The following PCDH15 variants were observed in gnomAD, a reference collection of about 807,000 sequenced individuals.
PCDH15 encodes protocadherin-15.
In PCDH15, 129 loss-of-function variants were observed where a neutral mutation model predicts 178.5. That is an observed-to-expected ratio of 0.72 (90% confidence interval 0.63 to 0.84). PCDH15 has a LOEUF of 0.84. PCDH15 is among the 40% of genes least tolerant of loss of function. The pLI, the probability that PCDH15 is intolerant of heterozygous loss-of-function variation, is 0.00. For missense variants in PCDH15, 2,230 were observed against 2,099.9 expected (o/e 1.06, Z -1.21); for synonymous variants, 800 against 732.0 (o/e 1.09, Z -1.50).
At chr10:54,230,451 G>T (rs1387345565) in intron 9 of PCDH15, among the ~76,000 whole-genome samples, 4 of 152,126 alleles carry the variant, frequency 2.6e-5, no homozygotes, top group Non-Finnish European at 2.9e-5. Flanking sequence ...AATGAAATAT[G>T]GTAACTGTGA....
At chr10:54,619,765 A>T (rs1319985830) in intron 2 of PCDH15, among the ~76,000 whole-genome samples, 1 of 152,038 alleles carries the variant, frequency 6.6e-6, no homozygotes, top group Non-Finnish European at 1.5e-5. Context: ...CATAGTGTGG[A>T]CCAAATTTAC....
chr10:55,304,464 G>A (rs538474809), intron 1 of PCDH15, among the ~76,000 whole-genome samples: 28 of 152,048 alleles, frequency 1.8e-4, no homozygotes, highest in African/African-American at 5.8e-4. Flanking sequence ...TATGTTTTAC[G>A]TATATAAATG....
intron 18 of PCDH15, among the ~76,000 whole-genome samples, chr10:54,064,614 T>C (rs1169308414): frequency 6.6e-6 from 1 of 152,138 alleles, no homozygotes; most frequent in African/African-American, 2.4e-5. Flanking sequence ...TTGGCCTCCC[T>C]CCTATGTTCA....
At chr10:55,368,218 G>A (rs553596026) in intron 2 of PCDH15, among the ~76,000 whole-genome samples, 130 of 152,030 alleles carry the variant, frequency 8.6e-4, no homozygotes, top group African/African-American at 3.0e-3. Flanking sequence ...ATGATTTCAT[G>A]TAATCAACAA....
intron 11 of PCDH15, among the ~76,000 whole-genome samples, chr10:54,186,000 C>A (rs981808002): frequency 6.6e-6 from 1 of 152,006 alleles, no homozygotes; most frequent in Non-Finnish European, 1.5e-5. Context: ...GCATTGAAGA[C>A]CCTTTGCAAT....
At chr10:54,310,832 T>A (rs1473361299) in intron 8 of PCDH15, among the ~76,000 whole-genome samples, 1 of 151,784 alleles carries the variant, frequency 6.6e-6, no homozygotes, top group Non-Finnish European at 1.5e-5. Flanking sequence ...TCAAAATAAA[T>A]AAAAGTGATC....
intron 16 of PCDH15, 56 bp downstream of exon 16, chr10:54,089,928 T>C: frequency 7.4e-7 from 1 of 1,346,824 alleles, no homozygotes; most frequent in Non-Finnish European, 1.1e-6. Flanking sequence ...TCTGCTTTCT[T>C]ACTAACAGTA....
chr10:55,590,146 A>C (rs187636276), intron 2 of PCDH15, among the ~76,000 whole-genome samples: 4,325 of 151,848 alleles, frequency 0.028, 215 homozygotes, highest in African/African-American at 0.099. Context: ...AAAAAGGATG[A>C]GTTCATGTCC....
chr10:55,413,552 G>T (rs1469461677), intron 2 of PCDH15, among the ~76,000 whole-genome samples: 1 of 150,932 alleles, frequency 6.6e-6, no homozygotes, highest in Non-Finnish European at 1.5e-5. Flanking sequence ...TATATATTTG[G>T]ATTTATATAT....
intron 2 of PCDH15, among the ~76,000 whole-genome samples, chr10:55,592,864 G>T (rs1288032343): frequency 1.3e-5 from 2 of 151,812 alleles, no homozygotes; most frequent in African/African-American, 4.8e-5. Context: ...AAATATATTT[G>T]ATACAAATTA....
At chr10:54,940,361 G>A (rs564645294) in intron 2 of PCDH15, among the ~76,000 whole-genome samples, 22 of 151,970 alleles carry the variant, frequency 1.4e-4, no homozygotes, top group East Asian at 5.8e-4. Context: ...TCTGTTGTTC[G>A]TTTTTTATTT....
intron 1 of PCDH15, among the ~76,000 whole-genome samples, chr10:54,714,124 T>C (rs2095453058): frequency 1.3e-5 from 2 of 152,160 alleles, no homozygotes; most frequent in Non-Finnish European, 2.9e-5. Context: ...ACTTCACAGT[T>C]ATACAGGACT....
At chr10:54,972,961 G>A (rs1003828751) in intron 2 of PCDH15, among the ~76,000 whole-genome samples, 6 of 150,262 alleles carry the variant, frequency 4.0e-5, no homozygotes, top group African/African-American at 1.5e-4. Context: ...TTTAATAACA[G>A]TGATAAGTTA....
chr10:54,579,018 G>C (rs1301761639), intron 2 of PCDH15, among the ~76,000 whole-genome samples: 3 of 151,980 alleles, frequency 2.0e-5, no homozygotes, highest in Admixed American at 2.0e-4. Flanking sequence ...GGAAAAAAAG[G>C]ACAATTTCTG....
intron 1 of PCDH15, among the ~76,000 whole-genome samples, chr10:55,294,935 G>A (rs996521316): frequency 2.6e-5 from 4 of 152,070 alleles, no homozygotes; most frequent in African/African-American, 9.7e-5. Context: ...TGGTTAAAAG[G>A]TAAATAGTAC....
intron 23 of PCDH15, among the ~76,000 whole-genome samples, chr10:53,958,695 T>C (rs777066204): frequency 3.3e-5 from 5 of 152,068 alleles, no homozygotes; most frequent in Admixed American, 6.6e-5. Flanking sequence ...TAACTTTCTG[T>C]TGTGGCCGGG....
chr10:55,162,726 C>A (rs1167740066), intron 2 of PCDH15, among the ~76,000 whole-genome samples: 1 of 152,134 alleles, frequency 6.6e-6, no homozygotes, highest in Admixed American at 6.6e-5. Context: ...ATTGCGACCT[C>A]TTTCTGGTAA....
intron 3 of PCDH15, among the ~76,000 whole-genome samples, chr10:54,485,759 A>G (rs375517852): frequency 1.3e-5 from 2 of 152,004 alleles, no homozygotes; most frequent in South Asian, 2.1e-4. Context: ...GGGAGCATCC[A>G]TATGCGTGTG....
intron 2 of PCDH15, among the ~76,000 whole-genome samples, chr10:55,459,818 C>T (rs1054807641): frequency 6.6e-6 from 1 of 151,988 alleles, no homozygotes; most frequent in African/African-American, 2.4e-5. Context: ...GGCCATGAGA[C>T]ATATTTATTT....
Sources: allele counts gnomAD v4.1 joint callset (sites outside exome capture counted in the v4.1 genomes callset), GRCh38; gene constraint gnomAD v4.1.1; transcripts MANE v1.5; gene names NCBI Gene and HGNC (gene_info 2026-07-23, HGNC 2026-07-21).